GSE1: variants seen among roughly 807,000 people sequenced by gnomAD.
The protein encoded by GSE1 is genetic suppressor element 1.
GSE1 carries 32 observed loss-of-function variants against 112.6 expected under a neutral mutation model. That is an observed-to-expected ratio of 0.28 (90% CI 0.21 to 0.38). The LOEUF (loss-of-function observed/expected upper bound fraction) is 0.38. GSE1 is among the 10% of genes least tolerant of loss of function. GSE1 has a pLI of 1.00. For synonymous variants in GSE1, 1,115 were observed against 735.6 expected, an observed-to-expected ratio of 1.52 and a Z score of -8.35; for missense variants, 2,348 against 1,699.2, an observed-to-expected ratio of 1.38 and a Z score of -6.71.
At chr16:85,619,605 G>C (rs1356943160) in intron 1 of GSE1, among the ~76,000 whole-genome samples, 1 of 152,208 alleles carries the variant, frequency 6.6e-6, no homozygotes, top group African/African-American at 2.4e-5. Context: ...GCCAGGTCTT[G>C]ATCCCACTTA....
At chr16:85,402,144 T>C (rs899352885) in intron 2 of GSE1, among the ~76,000 whole-genome samples, 1 of 152,236 alleles carries the variant, frequency 6.6e-6, no homozygotes, top group Non-Finnish European at 1.5e-5. Flanking sequence ...GGAACGCAGC[T>C]TACGGCACAC....
intron 1 of GSE1, among the ~76,000 whole-genome samples, chr16:85,342,208 G>A (rs57903393): frequency 0.047 from 7,204 of 152,208 alleles, 525 homozygotes; most frequent in African/African-American, 0.16. Context: ...CTGCCCTGGC[G>A]TTAACTCACA....
intron 1 of GSE1, chr16:85,285,784 C>G (rs1170353763): frequency 6.6e-6 from 1 of 152,206 alleles, no homozygotes; most frequent in Non-Finnish European, 1.5e-5. Context: ...AACCCCACAT[C>G]TGTGATCCCT....
chr16:85,502,572 G>C lies in GSE1; in HGVS notation c.2465-131342G>C, dbSNP rs548837855. ...CAGGCCTGAGCCAAGGCCTCCACCT[G>C]GTGGTCCGAGTTCTTGGTCTGTGTC... On this transcript the variant is annotated intron_variant, in intron 2 of 2. Coordinates refer to the GSE1 transcript ENST00000637419. 7.2e-5 allele frequency among the ~76,000 whole-genome samples: 11 copies of C among 152,346 alleles called. No individual in the cohort carries two copies. The East Asian group carries it at 2.1e-3, about 29-fold the overall frequency.
chr16:85,537,373 C>T (rs1299414244), intron 2 of GSE1, among the ~76,000 whole-genome samples: 1 of 152,176 alleles, frequency 6.6e-6, no homozygotes, highest in Non-Finnish European at 1.5e-5. Context: ...CTGCCCCGCT[C>T]CTGGGAGCTC....
chr16:85,552,370 T>TC (rs563765199), upstream of GSE1, among the ~76,000 whole-genome samples: 2 of 81,336 alleles, frequency 2.5e-5, no homozygotes, highest in African/African-American at 4.2e-5. Context: ...TCTCGCTCTG[T>TC]GCCCAGGCTG....
intron 1 of GSE1, among the ~76,000 whole-genome samples, chr16:85,313,416 G>C (rs879435493): frequency 1.4e-4 from 21 of 152,054 alleles, no homozygotes; most frequent in Admixed American, 1.2e-3. Context: ...GGATTGGCTT[G>C]TCCCGTTGGG....
chr16:85,356,465 C>T (rs1456959888), intron 1 of GSE1, among the ~76,000 whole-genome samples: 1 of 152,218 alleles, frequency 6.6e-6, no homozygotes, highest in Non-Finnish European at 1.5e-5. Flanking sequence ...TCTGTGCTCC[C>T]TTTGACTCCC....
At chr16:85,335,783 A>T (rs2046469450) in intron 1 of GSE1, among the ~76,000 whole-genome samples, 1 of 152,202 alleles carries the variant, frequency 6.6e-6, no homozygotes, top group South Asian at 2.1e-4. Flanking sequence ...GGGAACCCTG[A>T]TGCCCAAATA....
intron 2 of GSE1, among the ~76,000 whole-genome samples, chr16:85,646,043 C>G (rs936943968): frequency 1.4e-5 from 2 of 146,730 alleles, no homozygotes; most frequent in African/African-American, 5.3e-5. Flanking sequence ...TGCATTCTAC[C>G]TGCTTCTACC....
At chr16:85,655,259 T>A (rs1054148548) in intron 5 of GSE1, among the ~76,000 whole-genome samples, 1 of 152,160 alleles carries the variant, frequency 6.6e-6, no homozygotes, top group African/African-American at 2.4e-5. Flanking sequence ...TGACAGCAAG[T>A]CACTGTTAAG....
intron 2 of GSE1, among the ~76,000 whole-genome samples, chr16:85,526,186 C>CA (rs1406729593): frequency 6.6e-6 from 1 of 152,252 alleles, no homozygotes; most frequent in Non-Finnish European, 1.5e-5. Context: ...CAGCAAAAGA[C>CA]ACATTCACTG....
intron 1 of GSE1, among the ~76,000 whole-genome samples, chr16:85,200,490 G>C (rs2075007516): frequency 6.6e-6 from 1 of 152,032 alleles, no homozygotes; most frequent in African/African-American, 2.4e-5. Context: ...TGCAGTGGAG[G>C]CAGAGCCTGA....
intron 2 of GSE1, among the ~76,000 whole-genome samples, chr16:85,438,573 G>T (rs1167518233): frequency 6.6e-6 from 1 of 152,206 alleles, no homozygotes; most frequent in African/African-American, 2.4e-5. Flanking sequence ...ACCCACAGCA[G>T]TGGAGTCACT....
rs1179662242 is a variant in GSE1 at position 85,654,977 on chromosome 16, C to T, written c.783C>T (p.Pro261=). 10 of 1,594,002 alleles carry T rather than the reference C, an allele frequency of 6.3e-6. No homozygotes were observed. The highest frequency in any genetic ancestry group is 3.4e-5 in the South Asian group (3 of 89,404). Residue 261 remains proline, a synonymous_variant, in exon 5 of 16, where the codon CCC becomes CCT. Transcript: ENST00000253458. ...GCTACCTGGCCCCACACCCCTTCCCCCACCCGGCCTTCAGGTGAGGCATCC... is the reference window on the plus strand; with the variant it reads ...GCTACCTGGCCCCACACCCCTTCCCTCACCCGGCCTTCAGGTGAGGCATCC... The part of the protein sequence containing the change: ...HPSYLAPHPF[P]HPAFRMDDSY...
intron 1 of GSE1, among the ~76,000 whole-genome samples, chr16:85,571,657 C>T (rs1334998611): frequency 1.3e-5 from 2 of 152,202 alleles, no homozygotes; most frequent in African/African-American, 4.8e-5. Context: ...AGGGACCTGA[C>T]TGACTGACCT....
At chr16:85,480,950 C>G (rs374481253) in intron 2 of GSE1, among the ~76,000 whole-genome samples, 39 of 152,242 alleles carry the variant, frequency 2.6e-4, no homozygotes, top group African/African-American at 8.9e-4. Context: ...CGTGCAGAAC[C>G]GCAGGTCTTC....
intron 1 of GSE1, among the ~76,000 whole-genome samples, chr16:85,341,507 A>C (rs1359000253): frequency 1.3e-5 from 2 of 152,032 alleles, no homozygotes; most frequent in African/African-American, 4.8e-5. Context: ...AAAATACAAA[A>C]ATTAGCTGGG....
At chr16:85,667,041 A>G (rs1391352701) in intron 13 of GSE1, among the ~76,000 whole-genome samples, 2 of 152,258 alleles carry the variant, frequency 1.3e-5, no homozygotes, top group Non-Finnish European at 2.9e-5. Flanking sequence ...ATGCCACTTT[A>G]TATCAGGGAC....
Sources: allele counts gnomAD v4.1 joint callset (sites outside exome capture counted in the v4.1 genomes callset), GRCh38; gene constraint gnomAD v4.1.1; transcripts MANE v1.5; gene names NCBI Gene and HGNC (gene_info 2026-07-23, HGNC 2026-07-21).